Variants in RBMS3 observed in about 807,000 individuals in gnomAD.
RBMS3 encodes the protein RNA-binding motif, single-stranded-interacting protein 3.
Under a neutral mutation model 66.8 loss-of-function variants are expected in RBMS3, and 27 were observed. The observed-to-expected ratio is 0.40, with a 90% CI of 0.30 to 0.56. The LOEUF is 0.56. Ranked by LOEUF, RBMS3 falls within the 20% of genes least tolerant of loss-of-function variation. The pLI is 0.40. For missense variants in RBMS3, 513 were observed against 549.5 expected, an observed-to-expected ratio of 0.93 and a Z score of 0.66; for synonymous variants, 188 against 183.0, an observed-to-expected ratio of 1.03 and a Z score of -0.22.
rs2059421183 is a variant in RBMS3, at chr3:29,868,853, C to T, written c.638-5C>T. ...TAATGTAGAATTGGTTTCTTATCTT[C>T]CCAGCCCCCAGTGAGCCTTTGCTGT... On this transcript the variant is annotated splice_region_variant and splice_polypyrimidine_tract_variant and intron_variant, in intron 6 of 14. Coordinates refer to ENST00000383767, the MANE Select transcript of RBMS3 (RefSeq NM_001003793.3). The T allele has an allele frequency of 1.9e-6, 3 of 1,587,846 alleles. No homozygotes were observed. Among genetic ancestry groups the T allele is most frequent in the African/African-American group, 1.3e-5 (1 of 74,502 alleles).
intron 1 of RBMS3, among the ~76,000 whole-genome samples, chr3:29,344,379 G>A (rs942955802): frequency 6.6e-6 from 1 of 152,154 alleles, no homozygotes; most frequent in Non-Finnish European, 1.5e-5. Context: ...TTCCTGAAAA[G>A]TAGAACAGAC....
chr3:29,689,967 G>T (rs1463934990), intron 4 of RBMS3, among the ~76,000 whole-genome samples: 1 of 120,840 alleles, frequency 8.3e-6, no homozygotes, highest in East Asian at 2.2e-4. Flanking sequence ...TGAAAGAAAG[G>T]GAGATGCTAT....
At chr3:29,536,720 A>G (rs2045570488) in intron 3 of RBMS3, among the ~76,000 whole-genome samples, 1 of 152,232 alleles carries the variant, frequency 6.6e-6, no homozygotes, top group Non-Finnish European at 1.5e-5. Context: ...AGGCAGGCCA[A>G]TTAATTGTTT....
chr3:29,516,461 T>C (rs35164672), intron 3 of RBMS3, among the ~76,000 whole-genome samples: 1 of 152,124 alleles, frequency 6.6e-6, no homozygotes, highest in Non-Finnish European at 1.5e-5. Context: ...TTTTGTTTTT[T>C]GGTTTTGTTT....
At chr3:29,447,604 A>G (rs771589762) in intron 2 of RBMS3, among the ~76,000 whole-genome samples, 5 of 152,220 alleles carry the variant, frequency 3.3e-5, no homozygotes, top group Non-Finnish European at 7.3e-5. Flanking sequence ...AAATGAGTTA[A>G]TACACAAAAA....
intron 4 of RBMS3, among the ~76,000 whole-genome samples, chr3:29,662,980 A>G (rs1415938458): frequency 6.6e-6 from 1 of 152,234 alleles, no homozygotes; most frequent in East Asian, 1.9e-4. Flanking sequence ...GCAAGAGGGA[A>G]GACAGTAGAA....
chr3:29,579,611 G>C (rs1170611626), intron 3 of RBMS3, among the ~76,000 whole-genome samples: 2 of 152,130 alleles, frequency 1.3e-5, no homozygotes, highest in Admixed American at 1.3e-4. Flanking sequence ...TTATTAATAT[G>C]TTGGGCTTGC....
At chr3:29,933,685 A>G (rs1342926977) in intron 10 of RBMS3, among the ~76,000 whole-genome samples, 1 of 152,146 alleles carries the variant, frequency 6.6e-6, no homozygotes. Flanking sequence ...ATCTGCTTAG[A>G]AAGAACTGTT....
At chr3:29,680,621 A>G (rs2051446168) in intron 4 of RBMS3, among the ~76,000 whole-genome samples, 1 of 152,200 alleles carries the variant, frequency 6.6e-6, no homozygotes, top group Admixed American at 6.5e-5. Context: ...ACATTTTATT[A>G]TAAAATTCCC....
intron 6 of RBMS3, among the ~76,000 whole-genome samples, chr3:29,854,247 T>C (rs942108468): frequency 6.6e-6 from 1 of 152,202 alleles, no homozygotes; most frequent in East Asian, 1.9e-4. Context: ...CACAGTGTGC[T>C]GCCATGTTGT....
At chr3:29,848,658 T>C (rs188452918) in intron 6 of RBMS3, among the ~76,000 whole-genome samples, 4 of 152,356 alleles carry the variant, frequency 2.6e-5, no homozygotes, top group Non-Finnish European at 5.9e-5. Flanking sequence ...GGTGAGAATA[T>C]GGAGATTCAT....
At chr3:29,910,378 AT>A (rs2060486311) in intron 10 of RBMS3, among the ~76,000 whole-genome samples, 13 of 152,142 alleles carry the variant, frequency 8.5e-5, no homozygotes, top group Admixed American at 8.5e-4. Context: ...TTGGAACAAA[AT>A]GTCCAAACAT....
chr3:29,951,487 C>A (rs1577232053), intron 12 of RBMS3, among the ~76,000 whole-genome samples: 2 of 151,766 alleles, frequency 1.3e-5, no homozygotes, highest in African/African-American at 4.8e-5. Context: ...ATAATCTATT[C>A]ATTACCCTTT....
At chr3:29,347,861 C>T (rs539352096) in intron 1 of RBMS3, among the ~76,000 whole-genome samples, 2 of 152,076 alleles carry the variant, frequency 1.3e-5, no homozygotes, top group African/African-American at 2.4e-5. Context: ...TGAAACATTC[C>T]GGATGATAAG....
chr3:29,656,648 G>A (rs531247065), intron 4 of RBMS3, among the ~76,000 whole-genome samples: 6 of 152,304 alleles, frequency 3.9e-5, no homozygotes, highest in African/African-American at 1.4e-4. Flanking sequence ...GTTAGCAGGT[G>A]TGTGTGGGAA....
intron 6 of RBMS3, among the ~76,000 whole-genome samples, chr3:29,863,006 A>C (rs527616849): frequency 6.6e-6 from 1 of 152,192 alleles, no homozygotes; most frequent in Non-Finnish European, 1.5e-5. Flanking sequence ...GAATTACCTA[A>C]GAACAAGACG....
chr3:29,709,900 C>T (rs954396717), intron 4 of RBMS3, among the ~76,000 whole-genome samples: 2 of 151,920 alleles, frequency 1.3e-5, no homozygotes, highest in Non-Finnish European at 1.5e-5. Context: ...TTTTATCAGT[C>T]ATAAAGAATA....
chr3:29,470,389 A>T (rs1291473177), intron 2 of RBMS3, among the ~76,000 whole-genome samples: 1 of 152,088 alleles, frequency 6.6e-6, no homozygotes, highest in Non-Finnish European at 1.5e-5. Context: ...TCTTACATGT[A>T]GTGAATGAAT....
intron 7 of RBMS3, among the ~76,000 whole-genome samples, chr3:29,873,713 G>A (rs562588309): frequency 1.3e-5 from 2 of 152,218 alleles, no homozygotes; most frequent in South Asian, 4.1e-4. Flanking sequence ...GTATGATGTT[G>A]ACTATGGGTT....
Sources: gnomAD v4.1 joint callset for allele counts (sites outside exome capture counted in the v4.1 genomes callset) on GRCh38, gnomAD v4.1.1 for gene constraint, MANE v1.5 for transcripts, NCBI Gene and HGNC (gene_info 2026-07-23, HGNC 2026-07-21) for gene names.